PTPRG: variants seen among roughly 807,000 people sequenced by gnomAD.
PTPRG encodes receptor-type tyrosine-protein phosphatase gamma.
In PTPRG, 102 loss-of-function variants were observed where a neutral mutation model predicts 165.3. That is an observed-to-expected ratio of 0.62 (90% CI 0.53 to 0.73). The LOEUF is 0.73. PTPRG is among the 30% of genes least tolerant of loss of function. The pLI, the probability that PTPRG is intolerant of heterozygous loss-of-function variation, is 0.00. For synonymous variants in PTPRG, 675 were observed against 669.5 expected (o/e 1.01, Z -0.13); for missense variants, 1,866 against 1,861.4 (o/e 1.00, Z -0.05).
rs375952455 is a variant in PTPRG at position 62,026,665 on chromosome 3, T to C, written c.519+23168T>C. Among the ~76,000 whole-genome samples the C allele has an allele frequency of 1.4e-3, 214 of 152,122 alleles. 1 individual carries two copies. Among genetic ancestry groups the C allele is most frequent in the East Asian group, 5.3e-3 (27 of 5,136 alleles). On this transcript the variant is annotated intron_variant, in intron 4 of 29. Transcript: ENST00000474889. ...ACTTTGGGAGGCCAAGGTCGGTGGA[T>C]CATAAGATCAGGAGATCAAGACCAT... is the stretch of plus-strand genomic sequence containing the variant.
At position 62,203,677 on chromosome 3, in the gene PTPRG, T is replaced by G. The variant is rs764187290; in HGVS notation, c.1882T>G (p.Ser628Ala). Residue 628 changes from serine (S) to alanine (A), a missense_variant, in exon 12 of 30, where the codon TCG becomes GCG. Physicochemically the swap from Ser to Ala is moderately conservative, Grantham distance 99. This residue lies in a region of PTPRG where 1,452 missense variants were observed against 1,463.0 expected (regional missense o/e 0.99). Coordinates refer to ENST00000474889, the MANE Select transcript of PTPRG (RefSeq NM_002841.4). The surrounding 1 kb of genome is among the most constrained non-coding windows in gnomAD (Gnocchi z 6.4). ...TCAGACGGAGCCCAGCCCCACACCC[T>G]CGTCTCCTAACAGGACTGCCGAGGG... ...RNQTEPSPTP[S>A]SPNRTAEGGH... 1.5e-4 allele frequency: 240 copies of G among 1,566,732 alleles called. No individual in the cohort carries two copies. The highest frequency in any genetic ancestry group is 2.0e-4 in the Non-Finnish European group (230 of 1,155,248).
intron 4 of PTPRG, among the ~76,000 whole-genome samples, chr3:62,013,304 T>C (rs2041469095): frequency 6.6e-6 from 1 of 152,210 alleles, no homozygotes; most frequent in Non-Finnish European, 1.5e-5. Context: ...GCAAAACTTT[T>C]TGATTCCAGA....
chr3:61,924,309 G>A (rs1259650992), intron 2 of PTPRG, among the ~76,000 whole-genome samples: 1 of 152,172 alleles, frequency 6.6e-6, no homozygotes, highest in Admixed American at 6.5e-5. Flanking sequence ...GTCCTAATTT[G>A]GAAACTGGAT....
At chr3:61,937,473 A>C (rs1250582276) in intron 2 of PTPRG, among the ~76,000 whole-genome samples, 2 of 152,192 alleles carry the variant, frequency 1.3e-5, no homozygotes. Context: ...ATCAGATCCC[A>C]AGTCTTAGAA....
At chr3:61,809,878 G>A (rs1054752479) in intron 2 of PTPRG, among the ~76,000 whole-genome samples, 6 of 152,184 alleles carry the variant, frequency 3.9e-5, no homozygotes, top group African/African-American at 1.4e-4. Flanking sequence ...TGATTTCAAG[G>A]TGATTAAGCA....
intron 1 of PTPRG, among the ~76,000 whole-genome samples, chr3:61,612,642 G>A (rs113540334): frequency 0.015 from 2,293 of 151,896 alleles, 25 homozygotes; most frequent in South Asian, 0.02. Context: ...TTTTTCCCCC[G>A]TCTTCTCTAC....
Position 62,090,743 on chromosome 3 carries a change from C to T in PTPRG, c.615+12485C>T, listed in dbSNP as rs190347822. ...CTGCCAAGCATTCTATGTGCGTTAT[C>T]CCATTTCATGCTCATAACAGCCCTC... is the stretch of plus-strand genomic sequence containing the variant. On this transcript the variant is annotated intron_variant, in intron 5 of 29. Transcript: ENST00000474889. Among the ~76,000 whole-genome samples the T allele has an allele frequency of 5.3e-5, 8 of 152,304 alleles. 1 individual carries two copies. In the South Asian group the frequency reaches 1.2e-3, roughly 24 times the overall value.
chr3:61,787,776 T>C (rs555543158), intron 2 of PTPRG, among the ~76,000 whole-genome samples: 2 of 152,338 alleles, frequency 1.3e-5, no homozygotes, highest in South Asian at 2.1e-4. Context: ...CTTGATGGGC[T>C]GTAAAACAGT....
chr3:61,972,284 G>A (rs2040401967), intron 2 of PTPRG, among the ~76,000 whole-genome samples: 1 of 152,198 alleles, frequency 6.6e-6, no homozygotes, highest in African/African-American at 2.4e-5. Context: ...GGATCCATGG[G>A]GAGAGAAGTA....
At chr3:62,236,522 A>C (rs1361219108) in intron 14 of PTPRG, among the ~76,000 whole-genome samples, 1 of 152,194 alleles carries the variant, frequency 6.6e-6, no homozygotes, top group East Asian at 1.9e-4. Context: ...ATGCTACTGT[A>C]AATTTAAATG....
At chr3:61,846,841 G>C (rs1374003546) in intron 2 of PTPRG, among the ~76,000 whole-genome samples, 1 of 152,176 alleles carries the variant, frequency 6.6e-6, no homozygotes, top group Non-Finnish European at 1.5e-5. Flanking sequence ...CTTGAGTCCA[G>C]GAGGTGGAGG....
chr3:61,910,815 G>A (rs559870846), intron 2 of PTPRG, among the ~76,000 whole-genome samples: 1 of 152,254 alleles, frequency 6.6e-6, no homozygotes, highest in Non-Finnish European at 1.5e-5. Flanking sequence ...AGCCCCAGAC[G>A]GTCCCTGCTT....
chr3:61,754,396 C>G (rs1436269758), intron 2 of PTPRG, among the ~76,000 whole-genome samples: 2 of 151,910 alleles, frequency 1.3e-5, no homozygotes, highest in East Asian at 3.9e-4. Flanking sequence ...TATGCCACCT[C>G]ACTACACTGT....
chr3:62,178,039 T>TTGGG (rs113285647), intron 8 of PTPRG, among the ~76,000 whole-genome samples: 5 of 62,808 alleles, frequency 8.0e-5, no homozygotes, highest in Admixed American at 2.4e-4. Context: ...GGATGGGTTG[T>TTGGG]TGGGTGGGTG....
At chr3:61,718,596 T>G (rs1260080854) in intron 1 of PTPRG, among the ~76,000 whole-genome samples, 1 of 152,162 alleles carries the variant, frequency 6.6e-6, no homozygotes, top group Non-Finnish European at 1.5e-5. Flanking sequence ...CTCTGTTGCT[T>G]TGAAACAAAA....
rs1449938804 is a variant in PTPRG, at chr3:62,297,166, A to T, written c.*3859A>T. The T allele has an allele frequency of 6.6e-6, 1 of 152,058 alleles. No individual in the cohort carries two copies. Among genetic ancestry groups the T allele is most frequent in the Non-Finnish European group, 1.5e-5 (1 of 67,978 alleles). 9.4% of individuals were successfully genotyped at this position (152,058 alleles called of 1,614,324 possible). ...AACTTTGTATCTATGGTATATAATC[A>T]TAGAATTTTATATTTTCATATAAAG... is the stretch of plus-strand genomic sequence containing the variant. On this transcript the variant is annotated 3_prime_UTR_variant, in exon 30 of 30. Coordinates refer to ENST00000474889, the MANE Select transcript of PTPRG (RefSeq NM_002841.4).
chr3:61,987,890 A>C (rs1360104087), intron 2 of PTPRG, among the ~76,000 whole-genome samples: 3 of 152,116 alleles, frequency 2.0e-5, no homozygotes, highest in Admixed American at 6.5e-5. Context: ...AGATGAAAAT[A>C]AAGTTTGGCC....
At chr3:62,157,892 G>T (rs1463487987) in intron 7 of PTPRG, among the ~76,000 whole-genome samples, 1 of 152,096 alleles carries the variant, frequency 6.6e-6, no homozygotes, top group Non-Finnish European at 1.5e-5. Flanking sequence ...AACTTAATCA[G>T]TGGCAACACA....
intron 2 of PTPRG, among the ~76,000 whole-genome samples, chr3:61,752,820 A>G (rs1358783706): frequency 6.6e-6 from 1 of 150,816 alleles, no homozygotes; most frequent in Non-Finnish European, 1.5e-5. Flanking sequence ...AAAAGAAAAT[A>G]TTTGCCAACT....
Sources: allele counts gnomAD v4.1 joint callset (sites outside exome capture counted in the v4.1 genomes callset), GRCh38; gene constraint gnomAD v4.1.1; regional missense constraint gnomAD v4.1.1; non-coding constraint Gnocchi (gnomAD v3.1); transcripts MANE v1.5; gene names NCBI Gene and HGNC (gene_info 2026-07-23, HGNC 2026-07-21).